The following NPR3 variants were observed in gnomAD, a reference collection of about 807,000 sequenced individuals.
NPR3 encodes atrial natriuretic peptide receptor 3.
Under a neutral mutation model 54.5 loss-of-function variants are expected in NPR3, and 34 were observed. The observed-to-expected ratio is 0.62, with a 90% CI of 0.47 to 0.83. The LOEUF (loss-of-function observed/expected upper bound fraction) is 0.83. NPR3 is among the 40% of genes least tolerant of loss of function. The pLI is 0.00. For synonymous variants in NPR3, 289 were observed against 297.1 expected (o/e 0.97, Z 0.28); for missense variants, 674 against 720.8 (o/e 0.94, Z 0.74).
In NPR3 at chr5:32,787,275, T is replaced by C. The variant is rs1327341069; in HGVS notation, c.*930T>C. 3.3e-5 allele frequency: 5 copies of C among 152,504 alleles called. No individual in the cohort carries two copies. The highest frequency in any genetic ancestry group is 1.2e-4 in the African/African-American group (5 of 41,464). 9.4% of individuals were successfully genotyped at this position (152,504 alleles called of 1,614,324 possible). Reference sequence around the variant, plus strand: ...TGCTTTAATTACAGAGATGTGTAAATGTATTCAGATTACAAACTCTACAGG... The same window carrying C: ...TGCTTTAATTACAGAGATGTGTAAACGTATTCAGATTACAAACTCTACAGG... On this transcript the variant is annotated 3_prime_UTR_variant, in exon 8 of 8. Coordinates refer to ENST00000265074, the MANE Select transcript of NPR3 (RefSeq NM_001204375.2).
chr5:32,744,568 A>G (rs559948587), intron 3 of NPR3, among the ~76,000 whole-genome samples: 9 of 152,352 alleles, frequency 5.9e-5, no homozygotes, highest in Non-Finnish European at 8.8e-5. Flanking sequence ...GTGCTTACCA[A>G]TGATGAATAC....
chr5:32,742,642 T>G (rs1418140146), intron 3 of NPR3, among the ~76,000 whole-genome samples: 1 of 152,156 alleles, frequency 6.6e-6, no homozygotes, highest in Non-Finnish European at 1.5e-5. Context: ...CATCTTAACT[T>G]TAATGTAAAG....
intron 2 of NPR3, among the ~76,000 whole-genome samples, chr5:32,726,265 C>T (rs1739131486): frequency 6.6e-6 from 1 of 152,152 alleles, no homozygotes; most frequent in African/African-American, 2.4e-5. Flanking sequence ...CTTACTGGAG[C>T]AGTACATCAT....
At chr5:32,773,298 A>T (rs1053401815) in intron 3 of NPR3, among the ~76,000 whole-genome samples, 1 of 152,254 alleles carries the variant, frequency 6.6e-6, no homozygotes, top group Admixed American at 6.5e-5. Flanking sequence ...TCAAGATTCA[A>T]TTTGCTCATT....
intron 3 of NPR3, among the ~76,000 whole-genome samples, chr5:32,766,286 GTCATCAGCTCATGT>G (rs1392255964): frequency 1.3e-5 from 2 of 152,288 alleles, no homozygotes; most frequent in South Asian, 4.2e-4. Context: ...AAGAGTGAGG[GTCATCAGCTCATGT>G]TCCACTAGTG....
intron 3 of NPR3, among the ~76,000 whole-genome samples, chr5:32,760,494 A>G (rs1443127273): frequency 6.6e-6 from 1 of 151,932 alleles, no homozygotes; most frequent in Non-Finnish European, 1.5e-5. Context: ...CACTTTTGTG[A>G]CCGGTCTGCT....
intron 3 of NPR3, among the ~76,000 whole-genome samples, chr5:32,742,617 A>G (rs188414068): frequency 2.4e-4 from 36 of 152,336 alleles, no homozygotes; most frequent in African/African-American, 8.7e-4. Context: ...ATTAAACAGA[A>G]GCAGTGATAG....
intron 1 of NPR3, among the ~76,000 whole-genome samples, chr5:32,701,187 TTTA>T (rs1327468744): frequency 1.3e-5 from 2 of 151,998 alleles, no homozygotes; most frequent in African/African-American, 4.8e-5. Context: ...TGGCTGTTTT[TTTA>T]TTATTATTTT....
At chr5:32,699,620 G>A (rs888076698) in intron 1 of NPR3, among the ~76,000 whole-genome samples, 2 of 152,002 alleles carry the variant, frequency 1.3e-5, no homozygotes, top group African/African-American at 2.4e-5. Context: ...TTTGTCACTT[G>A]TATTTATATT....
At chr5:32,739,292 A>T (rs1020771993) in intron 3 of NPR3, among the ~76,000 whole-genome samples, 2 of 151,778 alleles carry the variant, frequency 1.3e-5, no homozygotes, top group Non-Finnish European at 2.9e-5. Context: ...AAGGACAGAC[A>T]ATTGCTTTTT....
At chr5:32,744,189 C>T (rs1740181564) in intron 3 of NPR3, among the ~76,000 whole-genome samples, 1 of 151,992 alleles carries the variant, frequency 6.6e-6, no homozygotes, top group South Asian at 2.1e-4. Flanking sequence ...GATGGGGTTT[C>T]ACTATGTTGG....
Position 32,757,083 on chromosome 5 carries a change from G to A in NPR3, c.1060-17625G>A, listed in dbSNP as rs532691138. ...TTTGGCTTAGGATTGTGTTGGCAATGCCAGCTTTTTTCTGGTTCCATATGA... is the reference window on the plus strand; with the variant it reads ...TTTGGCTTAGGATTGTGTTGGCAATACCAGCTTTTTTCTGGTTCCATATGA... On this transcript the variant is annotated intron_variant, in intron 3 of 7. Coordinates refer to ENST00000265074, the MANE Select transcript of NPR3 (RefSeq NM_001204375.2). Among the ~76,000 whole-genome samples the A allele has an allele frequency of 3.9e-5, 6 of 152,256 alleles. No homozygotes were observed. In the South Asian group the frequency reaches 6.2e-4, roughly 16 times the overall value.
At chr5:32,742,515 A>G (rs115312749) in intron 3 of NPR3, among the ~76,000 whole-genome samples, 442 of 152,268 alleles carry the variant, frequency 2.9e-3, no homozygotes, top group African/African-American at 0.01. Context: ...TGTATGCTTA[A>G]TTGAATTTTA....
At chr5:32,743,715 T>C (rs1561103257) in intron 3 of NPR3, among the ~76,000 whole-genome samples, 1 of 152,180 alleles carries the variant, frequency 6.6e-6, no homozygotes, top group Non-Finnish European at 1.5e-5. Context: ...CAAATGCTAT[T>C]AGCAGCCTGT....
At chr5:32,713,066 G>C (rs1738350829) in intron 1 of NPR3, 1 of 626,212 alleles carries the variant, frequency 1.6e-6, no homozygotes, top group Non-Finnish European at 2.0e-6. Context: ...ACAGACCCCA[G>C]GTTTCTTTTA....
upstream of NPR3, chr5:32,710,570 A>C (rs1738155132): frequency 7.3e-7 from 1 of 1,366,182 alleles, no homozygotes; most frequent in Non-Finnish European, 9.5e-7. Context: ...TTCCAGCGCA[A>C]ACCTGCGTGG....
chr5:32,768,347 G>T (rs562846347), intron 3 of NPR3, among the ~76,000 whole-genome samples: 2 of 152,174 alleles, frequency 1.3e-5, no homozygotes, highest in Admixed American at 1.3e-4. Context: ...GTGATGGGAC[G>T]AGAAGCATCT....
In NPR3 at chr5:32,744,804, A is replaced by G. The variant is rs116610502; in HGVS notation, c.1059+5774A>G. ...GCTCGGTTCCTCTGCATCGCAGCAC[A>G]CCTCTTGGGTTGTAATTACACACCG... On this transcript the variant is annotated intron_variant, in intron 3 of 7. Coordinates refer to ENST00000265074, the MANE Select transcript of NPR3 (RefSeq NM_001204375.2). Among the ~76,000 whole-genome samples, 474 of 152,092 alleles carry G rather than the reference A, an allele frequency of 3.1e-3. 4 individuals carry two copies. Among genetic ancestry groups the G allele is most frequent in the African/African-American group, 0.011 (454 of 41,476 alleles).
At chr5:32,760,014 C>G (rs1007837921) in intron 3 of NPR3, among the ~76,000 whole-genome samples, 1 of 152,002 alleles carries the variant, frequency 6.6e-6, no homozygotes, top group African/African-American at 2.4e-5. Flanking sequence ...GGTTACCCGA[C>G]TTTTCTCTGT....
Sources: allele counts gnomAD v4.1 joint callset (sites outside exome capture counted in the v4.1 genomes callset), GRCh38; gene constraint gnomAD v4.1.1; transcripts MANE v1.5; gene names NCBI Gene and HGNC (gene_info 2026-07-23, HGNC 2026-07-21).